NCKAP5: variants seen among roughly 807,000 people sequenced by gnomAD.
NCKAP5 encodes NCK associated protein 5.
A neutral mutation model predicts 167.0 loss-of-function variants in NCKAP5; 92 were observed. That is an observed-to-expected ratio of 0.55 (90% CI 0.47 to 0.66). NCKAP5 has a LOEUF of 0.66. NCKAP5 is among the 30% of genes least tolerant of loss of function. The probability of loss-of-function intolerance (pLI) is 0.00; values close to 1 mark genes in which losing one functional copy is unlikely to be tolerated. For missense variants in NCKAP5, 2,378 were observed against 2,315.0 expected, an observed-to-expected ratio of 1.03 and a Z score of -0.56; for synonymous variants, 891 against 877.4, an observed-to-expected ratio of 1.02 and a Z score of -0.27.
chr2:133,546,187 G>C (rs1686654627), intron 2 of NCKAP5, among the ~76,000 whole-genome samples: 1 of 150,778 alleles, frequency 6.6e-6, no homozygotes, highest in South Asian at 2.1e-4. Context: ...TTCAGATACA[G>C]TGAAGTACAT....
intron 6 of NCKAP5, among the ~76,000 whole-genome samples, chr2:133,029,028 G>A (rs2078790284): frequency 4.6e-5 from 7 of 152,258 alleles, no homozygotes. Flanking sequence ...ATGCCACTAT[G>A]CTTCCTATAC....
chr2:132,686,916 A>C (rs528743842), intron 19 of NCKAP5, among the ~76,000 whole-genome samples: 1 of 152,252 alleles, frequency 6.6e-6, no homozygotes, highest in East Asian at 1.9e-4. Flanking sequence ...TTGTAAACCA[A>C]GGTTCTTGAA....
At chr2:133,384,459 C>T (rs972904006) in intron 3 of NCKAP5, among the ~76,000 whole-genome samples, 1 of 152,248 alleles carries the variant, frequency 6.6e-6, no homozygotes, top group Middle Eastern at 3.4e-3. Flanking sequence ...GTTACTGTAG[C>T]CTTGTAGTAT....
intron 3 of NCKAP5, among the ~76,000 whole-genome samples, chr2:133,460,154 C>T (rs1692114306): frequency 6.6e-6 from 1 of 152,080 alleles, no homozygotes; most frequent in African/African-American, 2.4e-5. Flanking sequence ...CTCTTGCTAC[C>T]CTTCCAACAC....
chr2:132,836,176 T>TATC (rs1687873909), intron 11 of NCKAP5, among the ~76,000 whole-genome samples: 1 of 152,208 alleles, frequency 6.6e-6, no homozygotes, highest in Non-Finnish European at 1.5e-5. Context: ...TTTCTTGATT[T>TATC]ATCAATTGCA....
intron 15 of NCKAP5, among the ~76,000 whole-genome samples, chr2:132,778,604 C>T (rs768223651): frequency 2.0e-5 from 3 of 152,104 alleles, no homozygotes; most frequent in African/African-American, 4.8e-5. Flanking sequence ...GAGTGTGATA[C>T]GTAGTGCATT....
chr2:133,098,383 A>G (rs2081407221), intron 6 of NCKAP5, among the ~76,000 whole-genome samples: 1 of 152,218 alleles, frequency 6.6e-6, no homozygotes, highest in Non-Finnish European at 1.5e-5. Flanking sequence ...TTACATCCAT[A>G]TTAGGATCGA....
the NCKAP5 span, among the ~76,000 whole-genome samples, chr2:133,620,604 G>A: frequency 6.6e-6 from 1 of 152,030 alleles, no homozygotes; most frequent in African/African-American, 2.4e-5. Context: ...TAACACTGGA[G>A]TTCCCAAATT....
chr2:133,306,277 C>A (rs566269336), intron 3 of NCKAP5, among the ~76,000 whole-genome samples: 2 of 152,312 alleles, frequency 1.3e-5, no homozygotes, highest in South Asian at 2.1e-4. Context: ...TTCAGTATCC[C>A]AGCATGCCTG....
At chr2:132,895,084 C>A (rs1693041139) in intron 8 of NCKAP5, among the ~76,000 whole-genome samples, 1 of 152,126 alleles carries the variant, frequency 6.6e-6, no homozygotes, top group Non-Finnish European at 1.5e-5. Context: ...GTAATCCCAG[C>A]ACTTTGGGAG....
chr2:133,141,813 G>A (rs930731659), intron 5 of NCKAP5, among the ~76,000 whole-genome samples: 8 of 152,124 alleles, frequency 5.3e-5, no homozygotes, highest in Admixed American at 2.0e-4. Flanking sequence ...TTTCATCGTA[G>A]ATTATATGAG....
intron 8 of NCKAP5, among the ~76,000 whole-genome samples, chr2:132,944,393 T>G (rs1017546873): frequency 3.3e-5 from 5 of 152,232 alleles, no homozygotes; most frequent in African/African-American, 1.2e-4. Flanking sequence ...ATTGAGTCCT[T>G]ATTTTGTGCC....
chr2:133,501,226 A>G (rs1014381311), intron 3 of NCKAP5, among the ~76,000 whole-genome samples: 4 of 152,202 alleles, frequency 2.6e-5, no homozygotes. Flanking sequence ...CCCGTCAAGC[A>G]TTTACTGAGC....
intron 2 of NCKAP5, among the ~76,000 whole-genome samples, chr2:133,532,763 C>T (rs905960642): frequency 6.6e-5 from 10 of 152,168 alleles, no homozygotes; most frequent in African/African-American, 2.2e-4. Flanking sequence ...TCACCCCCTT[C>T]ACTATGAAAT....
chr2:133,308,107 G>C (rs1197386479), intron 3 of NCKAP5, among the ~76,000 whole-genome samples: 1 of 13,254 alleles, frequency 7.5e-5, no homozygotes, highest in Non-Finnish European at 2.1e-4. Flanking sequence ...TTTTTTTTTT[G>C]AGACGGAGTC....
intron 15 of NCKAP5, 89 bp downstream of exon 15, chr2:132,780,963 C>A: frequency 7.6e-7 from 1 of 1,316,472 alleles, no homozygotes. Flanking sequence ...AATCTCTTAC[C>A]CATACATTTT....
intron 3 of NCKAP5, among the ~76,000 whole-genome samples, chr2:133,415,586 C>T (rs1025816876): frequency 6.6e-6 from 1 of 152,240 alleles, no homozygotes; most frequent in Non-Finnish European, 1.5e-5. Context: ...GGCTCTGGCT[C>T]TCACTTTGAA....
intron 5 of NCKAP5, among the ~76,000 whole-genome samples, chr2:133,160,428 C>T (rs71347194): frequency 0.15 from 13,902 of 90,412 alleles, 789 homozygotes; most frequent in East Asian, 0.34. Flanking sequence ...TTTTTCTTTT[C>T]CTTTCTTTTT....
chr2:132,958,942 G>C (rs1227354038), intron 8 of NCKAP5, among the ~76,000 whole-genome samples: 1 of 150,964 alleles, frequency 6.6e-6, no homozygotes, highest in Non-Finnish European at 1.5e-5. Context: ...TGCTTCCTGT[G>C]TCTGCCCACT....
Sources: allele counts gnomAD v4.1 joint callset (sites outside exome capture counted in the v4.1 genomes callset), GRCh38; gene constraint gnomAD v4.1.1; transcripts MANE v1.5; gene names NCBI Gene and HGNC (gene_info 2026-07-23, HGNC 2026-07-21).